Variants in LRCH1 observed in about 807,000 individuals in gnomAD.
LRCH1 encodes leucine rich repeats and calponin homology domain containing 1, also known as leucine-rich repeat and calponin homology domain-containing protein 1.
Under a neutral mutation model 94.9 loss-of-function variants are expected in LRCH1, and 23 were observed. The observed-to-expected ratio is 0.24, with a 90% CI of 0.17 to 0.34. The LOEUF is 0.34. Among genes scored for constraint, LRCH1 ranks in the 10% least tolerant of loss-of-function variants. The pLI is 1.00. For missense variants in LRCH1, 790 were observed against 945.9 expected (o/e 0.84, Z 2.16); for synonymous variants, 364 against 354.9 (o/e 1.03, Z -0.29).
At chr13:46,657,914 A>G (rs546849378) in intron 2 of LRCH1, among the ~76,000 whole-genome samples, 1 of 151,880 alleles carries the variant, frequency 6.6e-6, no homozygotes, top group East Asian at 1.9e-4. Flanking sequence ...TTAACTTTGG[A>G]TAGGAAATAG....
intron 4 of LRCH1, among the ~76,000 whole-genome samples, chr13:46,682,120 G>A (rs1870349687): frequency 6.6e-6 from 1 of 152,104 alleles, no homozygotes; most frequent in African/African-American, 2.4e-5. Flanking sequence ...GTTTGCTGGG[G>A]CTACTATAAC....
intron 1 of LRCH1, among the ~76,000 whole-genome samples, chr13:46,617,703 G>A (rs1349046362): frequency 6.6e-6 from 1 of 152,176 alleles, no homozygotes; most frequent in Non-Finnish European, 1.5e-5. Flanking sequence ...GCAGTTAAGT[G>A]ATCTGACTCA....
intron 1 of LRCH1, among the ~76,000 whole-genome samples, chr13:46,644,174 T>C (rs529731541): frequency 6.6e-6 from 1 of 152,326 alleles, no homozygotes; most frequent in Admixed American, 6.5e-5. Flanking sequence ...GTGGGGCTAC[T>C]GCTGCTACAT....
chr13:46,720,136 C>T (rs1281347072), intron 16 of LRCH1, among the ~76,000 whole-genome samples: 1 of 152,118 alleles, frequency 6.6e-6, no homozygotes, highest in African/African-American at 2.4e-5. Context: ...CCTGTAATCC[C>T]AGCACTTTGG....
intron 1 of LRCH1, among the ~76,000 whole-genome samples, chr13:46,587,650 A>G (rs1057433564): frequency 6.6e-6 from 1 of 152,238 alleles, no homozygotes; most frequent in Non-Finnish European, 1.5e-5. Context: ...GAGACAAATT[A>G]CAGAGTAGCT....
intron 2 of LRCH1, among the ~76,000 whole-genome samples, chr13:46,657,711 TAGAGA>T (rs2051394707): frequency 2.2e-5 from 3 of 135,956 alleles, no homozygotes; most frequent in Non-Finnish European, 3.2e-5. Flanking sequence ...TTTTTTTTGG[TAGAGA>T]TGGAATTTTG....
intron 1 of LRCH1, among the ~76,000 whole-genome samples, chr13:46,578,017 T>C (rs7981225): frequency 0.038 from 5,861 of 152,276 alleles, 366 homozygotes; most frequent in African/African-American, 0.13. Flanking sequence ...AGCCTCTGCC[T>C]TAGGCTGAGA....
At chr13:46,592,863 G>A (rs1325153857) in intron 1 of LRCH1, among the ~76,000 whole-genome samples, 10 of 152,028 alleles carry the variant, frequency 6.6e-5, no homozygotes, top group Non-Finnish European at 4.4e-5. Flanking sequence ...TCTCGCATTG[G>A]TATTAAAAAT....
intron 3 of LRCH1, among the ~76,000 whole-genome samples, chr13:46,674,495 C>T (rs1390235290): frequency 2.0e-5 from 3 of 152,204 alleles, no homozygotes; most frequent in African/African-American, 7.2e-5. Flanking sequence ...GAGCTGGCCC[C>T]TCCAGGGTCA....
chr13:46,684,453 A>G (rs901863214), intron 4 of LRCH1, among the ~76,000 whole-genome samples: 1 of 152,184 alleles, frequency 6.6e-6, no homozygotes, highest in African/African-American at 2.4e-5. Context: ...CCATGAACTT[A>G]GCCCTCTAGT....
chr13:46,564,598 A>T (rs1319164112), intron 1 of LRCH1, among the ~76,000 whole-genome samples: 1 of 152,244 alleles, frequency 6.6e-6, no homozygotes, highest in Non-Finnish European at 1.5e-5. Context: ...CTTGGACCTC[A>T]GGAAGGCCAC....
At chr13:46,736,939 T>A (rs1389996298) in intron 19 of LRCH1, among the ~76,000 whole-genome samples, 5 of 152,252 alleles carry the variant, frequency 3.3e-5, no homozygotes, top group Non-Finnish European at 7.3e-5. Context: ...GTCAGCAGTT[T>A]GTATAATTTT....
chr13:46,591,798 T>G (rs1224828587), intron 1 of LRCH1, among the ~76,000 whole-genome samples: 1 of 152,214 alleles, frequency 6.6e-6, no homozygotes, highest in East Asian at 1.9e-4. Flanking sequence ...GGAGCCTGGG[T>G]TTTCATCTTT....
intron 2 of LRCH1, among the ~76,000 whole-genome samples, chr13:46,651,815 C>T (rs976854567): frequency 4.0e-5 from 6 of 151,082 alleles, no homozygotes; most frequent in Admixed American, 1.3e-4. Context: ...ATTCTCCTGC[C>T]TCAGCCTCCC....
Position 46,553,819 on chromosome 13 carries a change from T to C in LRCH1, c.307+116T>C. 9 of 1,526,868 alleles carry C rather than the reference T, an allele frequency of 5.9e-6. No individual in the cohort carries two copies. In the South Asian group the frequency reaches 9.7e-5, roughly 16 times the overall value. The allele number at this position is 1,526,868 out of a possible 1,614,324, so 94.6% of individuals were successfully genotyped here. A position where few individuals can be genotyped will look rare whatever the true frequency, so the allele number is the denominator to read the frequency against. ...GTCTTGCTGGGGGAGGGAGGGTCCA[T>C]CGGCCCGTTGTCTCCCGAAGAAGGG... On this transcript the variant is annotated intron_variant, in intron 1 of 19. Transcript: ENST00000389797.
chr13:46,694,872 C>T, intron 8 of LRCH1, 21 bp from the exon 9 acceptor site: 2 of 1,613,356 alleles, frequency 1.2e-6, no homozygotes, highest in Non-Finnish European at 1.7e-6. Context: ...TGCTTTCCAT[C>T]TCTCTATATT....
At chr13:46,598,992 C>G (rs1366894109) in intron 1 of LRCH1, among the ~76,000 whole-genome samples, 1 of 152,182 alleles carries the variant, frequency 6.6e-6, no homozygotes, top group African/African-American at 2.4e-5. Flanking sequence ...CTCTTCATCT[C>G]CCTCTCTCCA....
In LRCH1 at chr13:46,743,936, C is replaced by T. The variant is rs915458404; in HGVS notation, c.*2088C>T. Reference sequence around the variant, plus strand: ...GGACGCACTTTGATTTTTTTTGTGTCATTAATTTGTCTGTACTCTGCTGCG... The same window carrying T: ...GGACGCACTTTGATTTTTTTTGTGTTATTAATTTGTCTGTACTCTGCTGCG... On this transcript the variant is annotated 3_prime_UTR_variant, in exon 20 of 20. Transcript: ENST00000389797. The T allele has an allele frequency of 1.0e-5, 10 of 985,096 alleles. No individual in the cohort carries two copies. The highest frequency in any genetic ancestry group is 1.2e-4 in the Admixed American group (2 of 16,258). The allele number at this position is 985,096 out of a possible 1,614,324, so 61.0% of individuals were successfully genotyped here. A position where few individuals can be genotyped will look rare whatever the true frequency, so the allele number is the denominator to read the frequency against.
At chr13:46,672,320 A>G (rs1407469119) in intron 3 of LRCH1, among the ~76,000 whole-genome samples, 1 of 151,618 alleles carries the variant, frequency 6.6e-6, no homozygotes, top group Non-Finnish European at 1.5e-5. Context: ...CCAATTATGA[A>G]TAAAGCTGAC....
Sources: allele counts gnomAD v4.1 joint callset (sites outside exome capture counted in the v4.1 genomes callset), GRCh38; gene constraint gnomAD v4.1.1; transcripts MANE v1.5; gene names NCBI Gene and HGNC (gene_info 2026-07-23, HGNC 2026-07-21).